Variants in GALNT14 observed in about 807,000 individuals in gnomAD.
GALNT14 encodes the protein polypeptide N-acetylgalactosaminyltransferase 14.
GALNT14 carries 60 observed loss-of-function variants against 77.5 expected under a neutral mutation model. The ratio of observed to expected loss-of-function variants is 0.77; its 90% CI spans 0.63 to 0.96. The LOEUF (loss-of-function observed/expected upper bound fraction) is 0.96. Among genes scored for constraint, GALNT14 ranks in the 40% least tolerant of loss-of-function variants. GALNT14 has a pLI of 0.00. For missense variants in GALNT14, 710 were observed against 731.0 expected, an observed-to-expected ratio of 0.97 and a Z score of 0.33; for synonymous variants, 280 against 281.7, an observed-to-expected ratio of 0.99 and a Z score of 0.06.
At chr2:30,971,167 G>A (rs559009225) in intron 2 of GALNT14, among the ~76,000 whole-genome samples, 15 of 152,216 alleles carry the variant, frequency 9.9e-5, no homozygotes, top group South Asian at 2.1e-4. Context: ...GAGGAGAGTC[G>A]GCCCAGACAG....
intron 1 of GALNT14, among the ~76,000 whole-genome samples, chr2:31,016,410 G>C (rs1050083657): frequency 1.3e-5 from 2 of 152,166 alleles, no homozygotes; most frequent in African/African-American, 4.8e-5. Context: ...GTAGAGGGTA[G>C]AGAAGGGACA....
At chr2:31,103,567 C>A (rs1323441819) in intron 1 of GALNT14, among the ~76,000 whole-genome samples, 3 of 152,194 alleles carry the variant, frequency 2.0e-5, no homozygotes, top group African/African-American at 7.2e-5. Context: ...CTTCCACCAA[C>A]TGATTTTAGT....
intron 2 of GALNT14, among the ~76,000 whole-genome samples, chr2:30,975,748 T>A (rs113496625): frequency 0.022 from 3,400 of 152,320 alleles, 139 homozygotes; most frequent in African/African-American, 0.078. Flanking sequence ...TTTCTAGGTC[T>A]TGGTTTTCTG....
chr2:31,042,222 C>T (rs1333114269), intron 1 of GALNT14, among the ~76,000 whole-genome samples: 1 of 152,064 alleles, frequency 6.6e-6, no homozygotes, highest in Non-Finnish European at 1.5e-5. Flanking sequence ...AGTTAGCTCC[C>T]CTGGTGAATA....
chr2:30,953,305 C>CTTTT (rs34668885), intron 6 of GALNT14, among the ~76,000 whole-genome samples: 17 of 117,106 alleles, frequency 1.5e-4, no homozygotes, highest in East Asian at 2.6e-4. Flanking sequence ...AATTTCCTTC[C>CTTTT]TTTTTTTTTT....
chr2:31,051,776 T>C (rs1673885382), intron 1 of GALNT14, among the ~76,000 whole-genome samples: 1 of 152,192 alleles, frequency 6.6e-6, no homozygotes, highest in African/African-American at 2.4e-5. Context: ...CACCATTTAC[T>C]GGGGCTTCCA....
intron 9 of GALNT14, among the ~76,000 whole-genome samples, chr2:30,939,829 T>A (rs1262273191): frequency 6.6e-6 from 1 of 152,064 alleles, no homozygotes; most frequent in African/African-American, 2.4e-5. Flanking sequence ...CCTTCGCAGC[T>A]GGAGCATCAC....
chr2:30,916,851 G>A (rs770298177), intron 13 of GALNT14, among the ~76,000 whole-genome samples: 3 of 152,028 alleles, frequency 2.0e-5, no homozygotes, highest in Non-Finnish European at 4.4e-5. Flanking sequence ...GGCTGAGATG[G>A]GTGGATCACG....
intron 1 of GALNT14, among the ~76,000 whole-genome samples, chr2:31,053,157 T>C (rs1673994091): frequency 6.6e-6 from 1 of 152,178 alleles, no homozygotes; most frequent in Admixed American, 6.5e-5. Flanking sequence ...TGGACCTATA[T>C]GCCTGTGCTG....
At position 30,976,175 on chromosome 2, in the gene GALNT14, C is replaced by T. The variant is rs1668612775; in HGVS notation, c.300-9873G>A. Among the ~76,000 whole-genome samples the T allele has an allele frequency of 2.0e-5, 3 of 152,200 alleles. No homozygotes were observed. In the South Asian group the frequency reaches 6.2e-4, roughly 32 times the overall value. ...TTTGTTCTGGAACCAGCAGATCCAT[C>T]TCAGCTCTCAGTGCTGCTCAGGATA... is the stretch of plus-strand genomic sequence containing the variant. On this transcript the variant is annotated intron_variant, in intron 2 of 14. Transcript: ENST00000349752.
chr2:31,084,720 G>T (rs1445541308), intron 1 of GALNT14, among the ~76,000 whole-genome samples: 1 of 152,194 alleles, frequency 6.6e-6, no homozygotes. Context: ...CAGCTGGTGT[G>T]AAGATTAAAG....
intron 1 of GALNT14, among the ~76,000 whole-genome samples, chr2:31,006,590 T>C (rs144746090): frequency 1.6e-3 from 238 of 152,248 alleles, no homozygotes; most frequent in South Asian, 8.3e-3. Context: ...CCTGCCATGA[T>C]AGGGGATCAT....
At chr2:31,133,798 A>C (rs543604410) in intron 1 of GALNT14, among the ~76,000 whole-genome samples, 1 of 152,300 alleles carries the variant, frequency 6.6e-6, no homozygotes, top group African/African-American at 2.4e-5. Context: ...GAATTAAAAC[A>C]CTCAATTTGT....
chr2:30,942,164 G>C (rs1666412787), intron 9 of GALNT14, 37 bp downstream of exon 9: 2 of 1,477,206 alleles, frequency 1.4e-6, no homozygotes, highest in South Asian at 1.1e-5. Flanking sequence ...AGGGTGTATA[G>C]AACAGCATAG....
At chr2:30,904,286 C>A in the GALNT14 span, among the ~76,000 whole-genome samples, 1 of 152,232 alleles carries the variant, frequency 6.6e-6, no homozygotes, top group African/African-American at 2.4e-5. Flanking sequence ...TTCTGCATTT[C>A]CATCTGAGGT....
intron 1 of GALNT14, among the ~76,000 whole-genome samples, chr2:31,021,748 G>A (rs1671734075): frequency 6.6e-6 from 1 of 152,202 alleles, no homozygotes. Flanking sequence ...AAAGCCCATA[G>A]TATTTACAAT....
At chr2:31,074,683 AAGAG>A in intron 1 of GALNT14, among the ~76,000 whole-genome samples, 1 of 152,240 alleles carries the variant, frequency 6.6e-6, no homozygotes, top group South Asian at 2.1e-4. Context: ...ATAGAGAAAA[AAGAG>A]AGAGAGGGAG....
intron 9 of GALNT14, among the ~76,000 whole-genome samples, chr2:30,938,755 A>G (rs764098780): frequency 3.5e-4 from 53 of 152,204 alleles, no homozygotes; most frequent in Non-Finnish European, 6.3e-4. Context: ...GGGGTAGGGC[A>G]AGGGCCATGT....
At chr2:30,895,000 T>C in the GALNT14 span, among the ~76,000 whole-genome samples, 1 of 152,238 alleles carries the variant, frequency 6.6e-6, no homozygotes, top group Non-Finnish European at 1.5e-5. Context: ...CTGAGAGTTT[T>C]TCATCAGCTT....
Sources: allele counts gnomAD v4.1 joint callset (sites outside exome capture counted in the v4.1 genomes callset), GRCh38; gene constraint gnomAD v4.1.1; transcripts MANE v1.5; gene names NCBI Gene and HGNC (gene_info 2026-07-23, HGNC 2026-07-21).